Variants in CNTNAP2 observed in about 807,000 individuals in gnomAD.
CNTNAP2 encodes the protein contactin associated protein 2, also known as contactin-associated protein-like 2.
In CNTNAP2, 98 loss-of-function variants were observed where a neutral mutation model predicts 155.2. The observed-to-expected ratio is 0.63, with a 90% confidence interval of 0.54 to 0.75. CNTNAP2 has a LOEUF of 0.75. Among genes scored for constraint, CNTNAP2 ranks in the 30% least tolerant of loss-of-function variants. The pLI is 0.00. For synonymous variants in CNTNAP2, 651 were observed against 631.2 expected, an observed-to-expected ratio of 1.03 and a Z score of -0.47; for missense variants, 1,727 against 1,688.1, an observed-to-expected ratio of 1.02 and a Z score of -0.40.
chr7:147,738,510 A>C (rs1443331958), intron 13 of CNTNAP2, among the ~76,000 whole-genome samples: 1 of 152,242 alleles, frequency 6.6e-6, no homozygotes, highest in Non-Finnish European at 1.5e-5. Context: ...TTCACTAGGA[A>C]AATGTTTCCA....
chr7:146,814,759 A>AC (rs200240004), intron 2 of CNTNAP2, among the ~76,000 whole-genome samples: 1,703 of 152,226 alleles, frequency 0.011, 96 homozygotes, highest in Admixed American at 0.1. Flanking sequence ...CCCCAAAGTC[A>AC]CCCCAAAGAA....
At position 148,229,709 on chromosome 7, in the gene CNTNAP2, A is replaced by G; in HGVS notation, c.3311A>G (p.His1104Arg). 1 of 1,614,198 alleles carries G rather than the reference A, an allele frequency of 6.2e-7. No individual in the cohort carries two copies. The highest frequency in any genetic ancestry group is 8.5e-7 in the Non-Finnish European group (1 of 1,180,024). ...TREPYNIDVD[H>R]RNMANGQPHS... is the part of the protein sequence containing the mutation. Reference sequence around the variant, plus strand: ...GAGCCATACAATATTGACGTAGACCACAGGAACATGGCCAATGGACAGCCC... The same window carrying G: ...GAGCCATACAATATTGACGTAGACCGCAGGAACATGGCCAATGGACAGCCC... The change falls in exon 20 of 24, where the codon CAC (histidine) becomes CGC (arginine). Residue 1104 changes from histidine (H) to arginine (R), a missense_variant. Physicochemically the swap from His to Arg is conservative, Grantham distance 29. Transcript: ENST00000361727.
At chr7:147,816,527 G>T (rs537022534) in intron 13 of CNTNAP2, among the ~76,000 whole-genome samples, 9 of 152,242 alleles carry the variant, frequency 5.9e-5, no homozygotes, top group African/African-American at 2.2e-4. Context: ...TGGATCTTGA[G>T]CTAGAATTTT....
chr7:146,482,417 A>G lies in CNTNAP2; in HGVS notation c.98-291854A>G, dbSNP rs568944962. Reference sequence around the variant, plus strand: ...GTGTGTATTATATATATATATATATATATCTGTGCATGTGTATACACAAAC... The same window carrying G: ...GTGTGTATTATATATATATATATATGTATCTGTGCATGTGTATACACAAAC... On this transcript the variant is annotated intron_variant, in intron 1 of 23. Coordinates refer to ENST00000361727, the MANE Select transcript of CNTNAP2 (RefSeq NM_014141.6). Among the ~76,000 whole-genome samples the G allele has an allele frequency of 1.8e-3, 263 of 146,502 alleles. 1 individual carries two copies. Among genetic ancestry groups the G allele is most frequent in the African/African-American group, 6.5e-3 (249 of 38,344 alleles).
At chr7:148,209,958 T>C (rs1165191937) in intron 18 of CNTNAP2, among the ~76,000 whole-genome samples, 4 of 152,226 alleles carry the variant, frequency 2.6e-5, no homozygotes, top group East Asian at 1.9e-4. Flanking sequence ...ATACTTTCCC[T>C]ACCCCCGTTA....
intron 12 of CNTNAP2, among the ~76,000 whole-genome samples, chr7:147,563,489 C>G (rs1377438583): frequency 2.0e-5 from 3 of 151,908 alleles, no homozygotes; most frequent in African/African-American, 7.3e-5. Flanking sequence ...ATTAGCTGGG[C>G]TTCGTGGCAC....
intron 13 of CNTNAP2, among the ~76,000 whole-genome samples, chr7:147,774,123 T>C (rs1014853575): frequency 6.6e-6 from 1 of 152,154 alleles, no homozygotes; most frequent in African/African-American, 2.4e-5. Context: ...AATAATGCCC[T>C]TTTCTGCTTT....
chr7:148,169,078 T>C (rs2116686295), intron 17 of CNTNAP2, among the ~76,000 whole-genome samples: 1 of 152,340 alleles, frequency 6.6e-6, no homozygotes, highest in Non-Finnish European at 1.5e-5. Flanking sequence ...AATAAAGAGT[T>C]ATTTATAACC....
intron 3 of CNTNAP2, among the ~76,000 whole-genome samples, chr7:146,972,499 C>G (rs1287507770): frequency 6.6e-6 from 1 of 152,092 alleles, no homozygotes; most frequent in Admixed American, 6.6e-5. Context: ...TATTTACTAT[C>G]TGTGTATGAA....
chr7:147,370,902 G>A (rs1051065398), intron 9 of CNTNAP2, among the ~76,000 whole-genome samples: 17 of 152,174 alleles, frequency 1.1e-4, no homozygotes, highest in Admixed American at 7.9e-4. Context: ...AATATGCTTA[G>A]TATTACCAAT....
intron 8 of CNTNAP2, among the ~76,000 whole-genome samples, chr7:147,254,501 AC>A (rs779964749): frequency 2.0e-5 from 3 of 152,158 alleles, no homozygotes; most frequent in African/African-American, 4.8e-5. Context: ...CTTTAAACAA[AC>A]TTTTTTGGTT....
At chr7:148,174,372 A>G (rs1158527706) in intron 18 of CNTNAP2, among the ~76,000 whole-genome samples, 2 of 151,558 alleles carry the variant, frequency 1.3e-5, no homozygotes, top group African/African-American at 4.8e-5. Context: ...TCTGCTCTGG[A>G]CCTCACTCTC....
intron 21 of CNTNAP2, among the ~76,000 whole-genome samples, chr7:148,274,102 T>A: frequency 6.6e-6 from 1 of 152,158 alleles, no homozygotes; most frequent in Non-Finnish European, 1.5e-5. Flanking sequence ...ATTTAAGTGC[T>A]CATGCAAGAC....
intron 1 of CNTNAP2, among the ~76,000 whole-genome samples, chr7:146,654,870 G>T (rs2129164663): frequency 6.6e-6 from 1 of 152,128 alleles, no homozygotes; most frequent in African/African-American, 2.4e-5. Flanking sequence ...CAGCTTAGAT[G>T]AAAATCCAAA....
At chr7:146,939,143 T>A (rs1585170091) in intron 3 of CNTNAP2, among the ~76,000 whole-genome samples, 2 of 152,114 alleles carry the variant, frequency 1.3e-5, no homozygotes, top group Non-Finnish European at 2.9e-5. Flanking sequence ...CATGATCAAC[T>A]GTAAATCTAC....
chr7:146,258,144 G>T (rs1252639440), intron 1 of CNTNAP2, among the ~76,000 whole-genome samples: 1 of 152,058 alleles, frequency 6.6e-6, no homozygotes, highest in African/African-American at 2.4e-5. Context: ...CACCTGCCTC[G>T]CCCTTCCAGA....
At chr7:148,308,642 G>A (rs1797534103) in intron 21 of CNTNAP2, among the ~76,000 whole-genome samples, 1 of 151,530 alleles carries the variant, frequency 6.6e-6, no homozygotes, top group Non-Finnish European at 1.5e-5. Flanking sequence ...TTGTTACATA[G>A]GTATACACGT....
At chr7:148,066,106 A>G (rs1465623470) in intron 15 of CNTNAP2, among the ~76,000 whole-genome samples, 1 of 152,208 alleles carries the variant, frequency 6.6e-6, no homozygotes, top group Admixed American at 6.5e-5. Flanking sequence ...GGCTAAAGAT[A>G]GGGCCCCAAT....
At chr7:147,429,362 G>A (rs1797430830) in intron 10 of CNTNAP2, among the ~76,000 whole-genome samples, 1 of 151,890 alleles carries the variant, frequency 6.6e-6, no homozygotes, top group African/African-American at 2.4e-5. Flanking sequence ...TCATATATTT[G>A]TTGGCCATTT....
Sources: allele counts gnomAD v4.1 joint callset (sites outside exome capture counted in the v4.1 genomes callset), GRCh38; gene constraint gnomAD v4.1.1; transcripts MANE v1.5; gene names NCBI Gene and HGNC (gene_info 2026-07-23, HGNC 2026-07-21).